The following SLIT2 variants were observed in gnomAD, a reference collection of about 807,000 sequenced individuals.
SLIT2 encodes slit homolog 2 protein.
A neutral mutation model predicts 185.7 loss-of-function variants in SLIT2; 41 were observed. The ratio of observed to expected loss-of-function variants is 0.22; its 90% confidence interval spans 0.17 to 0.29. The LOEUF (loss-of-function observed/expected upper bound fraction) is 0.29, where lower values mean the gene tolerates loss of function less well. Among genes scored for constraint, SLIT2 ranks in the 10% least tolerant of loss-of-function variants. The pLI is 1.00. For missense variants in SLIT2, 1,571 were observed against 1,909.0 expected, an observed-to-expected ratio of 0.82 and a Z score of 3.30; for synonymous variants, 693 against 680.2, an observed-to-expected ratio of 1.02 and a Z score of -0.29.
At chr4:20,596,940 G>T (rs990146049) in intron 32 of SLIT2, among the ~76,000 whole-genome samples, 4 of 151,860 alleles carry the variant, frequency 2.6e-5, no homozygotes, top group African/African-American at 9.7e-5. Context: ...TGATTCATTT[G>T]CTTTTATGGC....
chr4:20,295,859 T>C (rs1716418283), intron 4 of SLIT2, among the ~76,000 whole-genome samples: 1 of 152,044 alleles, frequency 6.6e-6, no homozygotes, highest in Admixed American at 6.6e-5. Flanking sequence ...AAAGGAAAAA[T>C]GGAAGGACAG....
intron 7 of SLIT2, among the ~76,000 whole-genome samples, chr4:20,486,816 A>G (rs1717287432): frequency 1.3e-5 from 2 of 152,050 alleles, no homozygotes; most frequent in Non-Finnish European, 2.9e-5. Context: ...TTGAAGAAAA[A>G]GTAATCCTTA....
chr4:20,443,518 A>G (rs75107023), intron 4 of SLIT2, among the ~76,000 whole-genome samples: 5,308 of 148,354 alleles, frequency 0.036, 331 homozygotes, highest in African/African-American at 0.12. Flanking sequence ...TCATTCATTC[A>G]TCACAAGTTT....
chr4:20,458,920 T>TA (rs1713384255), intron 4 of SLIT2, among the ~76,000 whole-genome samples: 1 of 152,232 alleles, frequency 6.6e-6, no homozygotes, highest in Non-Finnish European at 1.5e-5. Context: ...CTTTGAGTAT[T>TA]ACCTTATTTT....
Position 20,505,406 on chromosome 4 carries a change from G to A in SLIT2, c.915-5089G>A, listed in dbSNP as rs111644490. Reference sequence around the variant, plus strand: ...AATGTAGAAATATCTCTTGAGGAGGGCTATTGAAGATTTGGCATGTGGATG... The same window carrying A: ...AATGTAGAAATATCTCTTGAGGAGGACTATTGAAGATTTGGCATGTGGATG... On this transcript the variant is annotated intron_variant, in intron 9 of 36. Transcript: ENST00000504154. Among the ~76,000 whole-genome samples the A allele has an allele frequency of 4.8e-3, 733 of 152,162 alleles. 6 individuals carry two copies. The highest frequency in any genetic ancestry group is 0.017 in the African/African-American group (708 of 41,538).
intron 5 of SLIT2, among the ~76,000 whole-genome samples, chr4:20,474,145 G>T (rs985695593): frequency 6.6e-6 from 1 of 151,838 alleles, no homozygotes; most frequent in Admixed American, 6.6e-5. Context: ...CTGTAGGGAG[G>T]GCTTTTTACT....
chr4:20,286,470 A>G (rs1715276345), intron 4 of SLIT2, among the ~76,000 whole-genome samples: 1 of 151,946 alleles, frequency 6.6e-6, no homozygotes. Context: ...CTTTATCTAT[A>G]CAGTCCTCTG....
intron 4 of SLIT2, among the ~76,000 whole-genome samples, chr4:20,383,198 G>A (rs891637386): frequency 6.6e-6 from 1 of 152,046 alleles, no homozygotes; most frequent in Non-Finnish European, 1.5e-5. Flanking sequence ...CTTAACTTTG[G>A]TTATAGCAAA....
intron 12 of SLIT2, among the ~76,000 whole-genome samples, chr4:20,520,033 CA>C (rs34644308): frequency 0.24 from 16,187 of 67,792 alleles, 392 homozygotes; most frequent in African/African-American, 0.37. Context: ...GACTCCGTCT[CA>C]AAAAAAAAAA....
chr4:20,420,923 A>G (rs1015871160), intron 4 of SLIT2, among the ~76,000 whole-genome samples: 1 of 152,172 alleles, frequency 6.6e-6, no homozygotes. Flanking sequence ...GAAACAGATC[A>G]TGCTGGCACC....
chr4:20,558,690 T>A (rs1237757805), intron 26 of SLIT2, among the ~76,000 whole-genome samples: 1 of 151,948 alleles, frequency 6.6e-6, no homozygotes, highest in Non-Finnish European at 1.5e-5. Flanking sequence ...ACTTGAGCTT[T>A]TTTTACATTT....
At chr4:20,614,811 T>C (rs1729528169) in intron 34 of SLIT2, 1 of 152,108 alleles carries the variant, frequency 6.6e-6, no homozygotes, top group Non-Finnish European at 1.5e-5. Context: ...TGTATCTACT[T>C]CTGTTTGTCA....
intron 4 of SLIT2, among the ~76,000 whole-genome samples, chr4:20,296,990 T>G (rs189039957): frequency 6.6e-6 from 1 of 152,232 alleles, no homozygotes; most frequent in African/African-American, 2.4e-5. Context: ...CGGAAGCTCT[T>G]GAGCTTGTCC....
At chr4:20,519,936 AG>A (rs1577843054) in intron 12 of SLIT2, among the ~76,000 whole-genome samples, 1 of 145,174 alleles carries the variant, frequency 6.9e-6, no homozygotes, top group East Asian at 2.2e-4. Flanking sequence ...CAGGAGGCTG[AG>A]GCAGGAGAAT....
intron 4 of SLIT2, among the ~76,000 whole-genome samples, chr4:20,332,033 C>T (rs978916378): frequency 7.2e-5 from 11 of 152,124 alleles, no homozygotes; most frequent in African/African-American, 2.7e-4. Context: ...AGTTAATGAT[C>T]ATTTGGGTTG....
chr4:20,286,553 G>T (rs1010459673), intron 4 of SLIT2, among the ~76,000 whole-genome samples: 9 of 152,290 alleles, frequency 5.9e-5, no homozygotes, highest in African/African-American at 1.9e-4. Context: ...CGTAATCCCA[G>T]CACTTTGGGA....
chr4:20,360,025 A>G (rs1037347454), intron 4 of SLIT2, among the ~76,000 whole-genome samples: 5 of 152,152 alleles, frequency 3.3e-5, no homozygotes, highest in Admixed American at 2.6e-4. Context: ...GTACCTAGGT[A>G]GGAAAATGAA....
intron 4 of SLIT2, among the ~76,000 whole-genome samples, chr4:20,337,066 A>G (rs1317193734): frequency 6.6e-6 from 1 of 152,222 alleles, no homozygotes; most frequent in East Asian, 1.9e-4. Context: ...TTAGTAAACT[A>G]CTGCAATAGG....
intron 4 of SLIT2, chr4:20,393,791 A>G (rs1274584997): frequency 6.6e-6 from 1 of 152,068 alleles, no homozygotes; most frequent in Non-Finnish European, 1.5e-5. Flanking sequence ...ATAGACTTTG[A>G]AAGCTTATGC....
Sources: gnomAD v4.1 joint callset for allele counts (sites outside exome capture counted in the v4.1 genomes callset) on GRCh38, gnomAD v4.1.1 for gene constraint, MANE v1.5 for transcripts, NCBI Gene and HGNC (gene_info 2026-07-23, HGNC 2026-07-21) for gene names.